AUTS2: variants seen among roughly 807,000 people sequenced by gnomAD.
The protein encoded by AUTS2 is activator of transcription and developmental regulator AUTS2, also known as autism susceptibility gene 2 protein.
A neutral mutation model predicts 112.4 loss-of-function variants in AUTS2; 17 were observed. That is an observed-to-expected ratio of 0.15 (90% confidence interval 0.10 to 0.23). The LOEUF (loss-of-function observed/expected upper bound fraction) is 0.23. AUTS2 is among the 10% of genes least tolerant of loss of function. AUTS2 has a pLI of 1.00. For synonymous variants in AUTS2, 751 were observed against 702.7 expected (o/e 1.07, Z -1.09); for missense variants, 1,510 against 1,701.6 (o/e 0.89, Z 1.98).
intron 5 of AUTS2, among the ~76,000 whole-genome samples, chr7:70,573,865 T>C (rs1207533746): frequency 6.6e-6 from 1 of 152,060 alleles, no homozygotes; most frequent in East Asian, 1.9e-4. Context: ...ATTAATTATG[T>C]TTTGTGGTTC....
intron 1 of AUTS2, among the ~76,000 whole-genome samples, chr7:69,886,761 CTTTG>C (rs916033702): frequency 8.7e-6 from 1 of 114,712 alleles, no homozygotes; most frequent in East Asian, 2.4e-4. Context: ...GATTTGACTT[CTTTG>C]TGTGTGTGTG....
intron 5 of AUTS2, among the ~76,000 whole-genome samples, chr7:70,490,727 C>G (rs113611742): frequency 6.6e-6 from 1 of 152,140 alleles, no homozygotes; most frequent in African/African-American, 2.4e-5. Context: ...GTCCACAGCC[C>G]CTAGAACATA....
intron 10 of AUTS2, among the ~76,000 whole-genome samples, chr7:70,770,420 C>T (rs949539125): frequency 2.0e-5 from 3 of 152,166 alleles, no homozygotes; most frequent in African/African-American, 7.2e-5. Context: ...TTTATTAAGA[C>T]GAGCTTCAAT....
rs148167817 is a variant in AUTS2, at chr7:70,542,399, C to T, written c.690+106618C>T. On this transcript the variant is annotated intron_variant, in intron 5 of 18. Coordinates refer to ENST00000342771, the MANE Select transcript of AUTS2 (RefSeq NM_015570.4). Reference sequence around the variant, plus strand: ...CATCTTTCCTTTCTATTGCTCTGCTCCCCCTTGGCTCATCTTTCCAGAGCA... The same window carrying T: ...CATCTTTCCTTTCTATTGCTCTGCTTCCCCTTGGCTCATCTTTCCAGAGCA... 1.8e-3 allele frequency among the ~76,000 whole-genome samples: 279 copies of T among 152,292 alleles called. 2 individuals carry two copies. The highest frequency in any genetic ancestry group is 6.4e-3 in the African/African-American group (268 of 41,556).
At chr7:69,686,353 T>C (rs1199874660) in intron 1 of AUTS2, among the ~76,000 whole-genome samples, 1 of 152,174 alleles carries the variant, frequency 6.6e-6, no homozygotes, top group African/African-American at 2.4e-5. Context: ...ACACATCTCC[T>C]TGTGTCTAAA....
intron 6 of AUTS2, among the ~76,000 whole-genome samples, chr7:70,746,878 CAG>C (rs1455209691): frequency 2.0e-5 from 3 of 152,174 alleles, no homozygotes; most frequent in Non-Finnish European, 2.9e-5. Context: ...AGAGCTCACT[CAG>C]GGTGCTGGCG....
At chr7:69,977,897 A>C (rs1054337792) in intron 2 of AUTS2, among the ~76,000 whole-genome samples, 2 of 152,174 alleles carry the variant, frequency 1.3e-5, no homozygotes, top group African/African-American at 4.8e-5. Flanking sequence ...TTAAGCCAGT[A>C]CGTCATCTTC....
chr7:70,755,681 T>C (rs544232226), intron 6 of AUTS2, among the ~76,000 whole-genome samples: 1 of 151,956 alleles, frequency 6.6e-6, no homozygotes, highest in Non-Finnish European at 1.5e-5. Context: ...AAAAAAAAAT[T>C]CAGTAGGTAA....
At chr7:70,315,637 T>C (rs1303483611) in intron 4 of AUTS2, among the ~76,000 whole-genome samples, 1 of 152,162 alleles carries the variant, frequency 6.6e-6, no homozygotes, top group Non-Finnish European at 1.5e-5. Context: ...ACTATCCCTT[T>C]TTCCCAAAGT....
intron 4 of AUTS2, among the ~76,000 whole-genome samples, chr7:70,280,449 G>A (rs1192510009): frequency 2.3e-5 from 3 of 129,866 alleles, no homozygotes; most frequent in East Asian, 2.2e-4. Context: ...ATGCCCGGCT[G>A]ATTTTTTTTT....
intron 4 of AUTS2, among the ~76,000 whole-genome samples, chr7:70,425,068 T>C (rs1795377029): frequency 1.3e-5 from 2 of 152,152 alleles, no homozygotes; most frequent in Admixed American, 1.3e-4. Context: ...CTCCTTTAGC[T>C]TGAGATGGAC....
intron 4 of AUTS2, among the ~76,000 whole-genome samples, chr7:70,318,964 G>A (rs1241190740): frequency 2.0e-5 from 3 of 152,146 alleles, no homozygotes; most frequent in African/African-American, 4.8e-5. Flanking sequence ...TTTATGTGCT[G>A]TCTCTTTTCA....
chr7:70,035,513 T>C (rs570558839), intron 2 of AUTS2, among the ~76,000 whole-genome samples: 1 of 152,340 alleles, frequency 6.6e-6, no homozygotes, highest in South Asian at 2.1e-4. Flanking sequence ...AGACTTGCCA[T>C]ATTATAGCTT....
chr7:70,295,406 G>T (rs995263167), intron 4 of AUTS2, among the ~76,000 whole-genome samples: 1 of 152,180 alleles, frequency 6.6e-6, no homozygotes, highest in African/African-American at 2.4e-5. Flanking sequence ...TGTTGTTCTA[G>T]AATGCTGACT....
At chr7:70,464,089 C>T (rs1431836815) in intron 5 of AUTS2, among the ~76,000 whole-genome samples, 2 of 152,166 alleles carry the variant, frequency 1.3e-5, no homozygotes, top group Admixed American at 1.3e-4. Context: ...CAAATGTTTG[C>T]CTCCTCCCAC....
intron 5 of AUTS2, among the ~76,000 whole-genome samples, chr7:70,674,090 G>C (rs947219050): frequency 4.6e-5 from 7 of 152,136 alleles, no homozygotes; most frequent in African/African-American, 1.2e-4. Context: ...ATTACCTGGA[G>C]TCACTAAGGC....
chr7:69,744,237 T>G (rs1457309367), intron 1 of AUTS2, among the ~76,000 whole-genome samples: 2 of 152,204 alleles, frequency 1.3e-5, no homozygotes, highest in African/African-American at 4.8e-5. Context: ...TGTTTCCAAT[T>G]TGGGGCTGCT....
intron 5 of AUTS2, among the ~76,000 whole-genome samples, chr7:70,697,310 A>G (rs1196370467): frequency 2.0e-5 from 3 of 152,208 alleles, no homozygotes; most frequent in Non-Finnish European, 4.4e-5. Flanking sequence ...ACATACATTC[A>G]TTGTTTCTGG....
intron 4 of AUTS2, among the ~76,000 whole-genome samples, chr7:70,377,755 C>A: frequency 6.6e-6 from 1 of 150,906 alleles, no homozygotes; most frequent in South Asian, 2.1e-4. Context: ...TGGCTTATTT[C>A]GCTTAGGATA....
Sources: allele counts gnomAD v4.1 joint callset (sites outside exome capture counted in the v4.1 genomes callset), GRCh38; gene constraint gnomAD v4.1.1; transcripts MANE v1.5; gene names NCBI Gene and HGNC (gene_info 2026-07-23, HGNC 2026-07-21).